MAN1C1: variants seen among roughly 807,000 people sequenced by gnomAD.
The protein encoded by MAN1C1 is mannosyl-oligosaccharide 1,2-alpha-mannosidase IC.
In MAN1C1, 49 loss-of-function variants were observed where a neutral mutation model predicts 71.5. The ratio of observed to expected loss-of-function variants is 0.69; its 90% CI spans 0.54 to 0.87. MAN1C1 has a LOEUF of 0.87. MAN1C1 is among the 40% of genes least tolerant of loss of function. The pLI, the probability that MAN1C1 is intolerant of heterozygous loss-of-function variation, is 0.00. For missense variants in MAN1C1, 743 were observed against 835.0 expected (o/e 0.89, Z 1.36); for synonymous variants, 352 against 343.7 (o/e 1.02, Z -0.27).
intron 2 of MAN1C1, among the ~76,000 whole-genome samples, chr1:25,694,425 C>G (rs1389112499): frequency 2.0e-5 from 3 of 152,128 alleles, no homozygotes; most frequent in African/African-American, 7.2e-5. Context: ...AGCCAAATCC[C>G]CATTTTGAGG....
intron 1 of MAN1C1, among the ~76,000 whole-genome samples, chr1:25,680,456 C>T (rs1323371669): frequency 6.6e-6 from 1 of 152,174 alleles, no homozygotes; most frequent in Admixed American, 6.5e-5. Flanking sequence ...TGCCCATGAA[C>T]AGTCACTCCC....
chr1:25,722,501 C>T (rs1179565981), intron 2 of MAN1C1, among the ~76,000 whole-genome samples: 1 of 152,148 alleles, frequency 6.6e-6, no homozygotes, highest in African/African-American at 2.4e-5. Context: ...GTTTGTCTTC[C>T]AACTCTTTTA....
chr1:25,627,107 G>A (rs1157174988), intron 1 of MAN1C1, among the ~76,000 whole-genome samples: 2 of 152,104 alleles, frequency 1.3e-5, no homozygotes, highest in African/African-American at 4.8e-5. Context: ...ATGTCCAGTT[G>A]TTTATCACTA....
At chr1:25,660,304 A>T (rs532582381) in intron 1 of MAN1C1, among the ~76,000 whole-genome samples, 2 of 152,068 alleles carry the variant, frequency 1.3e-5, no homozygotes, top group South Asian at 4.1e-4. Flanking sequence ...GTGAGGCTGA[A>T]GCAGGAGAAT....
At chr1:25,777,167 G>A (rs893002794) in intron 8 of MAN1C1, among the ~76,000 whole-genome samples, 3 of 152,178 alleles carry the variant, frequency 2.0e-5, no homozygotes, top group African/African-American at 4.8e-5. Flanking sequence ...GATATGATCC[G>A]GTTTGTTAAT....
chr1:25,663,579 G>A (rs1467379220), intron 1 of MAN1C1, among the ~76,000 whole-genome samples: 3 of 152,206 alleles, frequency 2.0e-5, no homozygotes, highest in Admixed American at 2.0e-4. Context: ...TTGGGCCTCA[G>A]TTGGCTGTGG....
At chr1:25,748,324 G>T (rs2047165458) in intron 3 of MAN1C1, among the ~76,000 whole-genome samples, 1 of 152,204 alleles carries the variant, frequency 6.6e-6, no homozygotes, top group Admixed American at 6.5e-5. Flanking sequence ...CGGTTTTGCA[G>T]GTGCTCTGTG....
At position 25,711,902 on chromosome 1, in the gene MAN1C1, G is replaced by A. The variant is rs1438478623; in HGVS notation, c.637+25366G>A. Among the ~76,000 whole-genome samples, 1 of 152,170 alleles carries A rather than the reference G, an allele frequency of 6.6e-6. No individual in the cohort carries two copies. The highest frequency in any genetic ancestry group is 1.9e-4 in the East Asian group (1 of 5,174). On this transcript the variant is annotated intron_variant, in intron 2 of 11. Coordinates refer to ENST00000374332, the MANE Select transcript of MAN1C1 (RefSeq NM_020379.4). The surrounding 1 kb of genome is among the most constrained non-coding windows in gnomAD (Gnocchi z 4.3). ...AAATTTGGTCTTTAAGAAGAGATGT[G>A]TAAACAGCTTTCAGGAATGTTTGTT...
chr1:25,731,690 G>C (rs532190905), intron 2 of MAN1C1, among the ~76,000 whole-genome samples: 1 of 151,978 alleles, frequency 6.6e-6, no homozygotes, highest in Non-Finnish European at 1.5e-5. Flanking sequence ...AGTGGCTTCT[G>C]TGAGGTTCTG....
intron 1 of MAN1C1, among the ~76,000 whole-genome samples, chr1:25,674,237 G>C (rs1308039791): frequency 6.6e-6 from 1 of 152,208 alleles, no homozygotes; most frequent in Non-Finnish European, 1.5e-5. Context: ...ATAAATCCTT[G>C]TTGAGTCAAG....
At chr1:25,644,342 TAAA>T (rs1270405984) in intron 1 of MAN1C1, among the ~76,000 whole-genome samples, 1 of 151,238 alleles carries the variant, frequency 6.6e-6, no homozygotes, top group African/African-American at 2.4e-5. Context: ...CAAGGTGACA[TAAA>T]GAAGTGGGAG....
intron 1 of MAN1C1, among the ~76,000 whole-genome samples, chr1:25,683,367 G>A (rs12120089): frequency 0.018 from 2,693 of 152,286 alleles, 29 homozygotes; most frequent in Non-Finnish European, 0.023. Flanking sequence ...CCTGTGAAGC[G>A]TGTGGTCCAC....
chr1:25,653,896 C>T (rs932629909), intron 1 of MAN1C1, among the ~76,000 whole-genome samples: 4 of 152,140 alleles, frequency 2.6e-5, no homozygotes, highest in Admixed American at 2.6e-4. Flanking sequence ...GTCAGTTTTT[C>T]GAGACGTTTT....
In MAN1C1 at chr1:25,678,545, C is replaced by T. The variant is rs559458315; in HGVS notation, c.541-7895C>T. Among the ~76,000 whole-genome samples, 20 of 152,236 alleles carry T rather than the reference C, an allele frequency of 1.3e-4. No individual in the cohort carries two copies. The South Asian group carries it at 2.5e-3, about 19-fold the overall frequency. ...GTCTGGCTGTAATCTCTTAAAAGGG[C>T]GTTACATATTAATAACTTTAAAAGT... On this transcript the variant is annotated intron_variant, in intron 1 of 11. Coordinates refer to ENST00000374332, the MANE Select transcript of MAN1C1 (RefSeq NM_020379.4).
intron 7 of MAN1C1, among the ~76,000 whole-genome samples, chr1:25,767,711 A>ACG (rs2047459381): frequency 3.1e-5 from 1 of 32,362 alleles, no homozygotes; most frequent in Non-Finnish European, 6.1e-5. Flanking sequence ...CCTCACACAT[A>ACG]CATTACACAC....
At chr1:25,758,493 C>T in intron 5 of MAN1C1, 99 bp from the exon 6 acceptor site, 1 of 981,868 alleles carries the variant, frequency 1.0e-6, no homozygotes, top group Admixed American at 1.7e-5. Flanking sequence ...CCATGCCTGT[C>T]ACATAGTAGG....
chr1:25,732,182 G>A (rs1043607079), intron 2 of MAN1C1, among the ~76,000 whole-genome samples: 1 of 152,118 alleles, frequency 6.6e-6, no homozygotes, highest in Non-Finnish European at 1.5e-5. Context: ...GCTGCAGGGG[G>A]GCCTTGCTCC....
rs1266753440 is a variant in MAN1C1 at position 25,711,669 on chromosome 1, G to A, written c.637+25133G>A. On this transcript the variant is annotated intron_variant, in intron 2 of 11. Coordinates refer to ENST00000374332, the MANE Select transcript of MAN1C1 (RefSeq NM_020379.4). This position sits in a 1 kb window ranked among gnomAD's most constrained non-coding sequence, Gnocchi z 4.3. ...CCCCGCCCCTCCTCCCTGCGGCCCC[G>A]CCCCTCCCCTGCGTGCTGCAAGCCT... is the stretch of plus-strand genomic sequence containing the variant. 1.9e-4 allele frequency among the ~76,000 whole-genome samples: 17 copies of A among 88,866 alleles called. No homozygotes were observed. Among genetic ancestry groups the A allele is most frequent in the Non-Finnish European group, 3.5e-4 (15 of 43,142 alleles). The allele number at this position is 88,866 out of a possible 152,430, so 58.3% of individuals were successfully genotyped here.
At chr1:25,734,034 C>G (rs1313324594) in intron 2 of MAN1C1, among the ~76,000 whole-genome samples, 1 of 152,100 alleles carries the variant, frequency 6.6e-6, no homozygotes. Flanking sequence ...CTCCTGACCT[C>G]GTGATCCGCC....
Sources: allele counts gnomAD v4.1 joint callset (sites outside exome capture counted in the v4.1 genomes callset), GRCh38; gene constraint gnomAD v4.1.1; non-coding constraint Gnocchi (gnomAD v3.1); transcripts MANE v1.5; gene names NCBI Gene and HGNC (gene_info 2026-07-23, HGNC 2026-07-21).